AP5S1: variants seen among roughly 807,000 people sequenced by gnomAD.
AP5S1 encodes AP-5 complex subunit sigma-1.
In AP5S1, 13 loss-of-function variants were observed where a neutral mutation model predicts 13.9. That is an observed-to-expected ratio of 0.94 (90% CI 0.61 to 1.49). The LOEUF is 1.49. AP5S1 is among the 40% of genes most tolerant of loss of function. The probability of loss-of-function intolerance (pLI) is 0.00; values close to 1 mark genes in which losing one functional copy is unlikely to be tolerated. For synonymous variants in AP5S1, 132 were observed against 121.8 expected (o/e 1.08, Z -0.55); for missense variants, 292 against 272.3 (o/e 1.07, Z -0.51).
chr20:3,824,264 G>A lies in AP5S1; in HGVS notation c.570G>A (p.Leu190=). ...LFLNDQFVQG[L]EKEFSAAWPR is the part of the protein sequence containing the mutation. ...TCAACGACCAGTTTGTCCAAGGCCT[G>A]GAGAAGGAATTCAGTGCCGCTTGGC... is the stretch of plus-strand genomic sequence containing the variant. Residue 190 remains leucine (L), a synonymous_variant, in exon 3 of 3, where the codon CTG becomes CTA. Transcript: ENST00000615891. 1.2e-6 allele frequency: 2 copies of A among 1,614,092 alleles called. No individual in the cohort carries two copies. Among genetic ancestry groups the A allele is most frequent in the East Asian group, 4.5e-5 (2 of 44,886 alleles).
chr20:3,821,902 C>G (rs954165682), intron 1 of AP5S1, 200 bp from the exon 2 acceptor site: 2 of 947,670 alleles, frequency 2.1e-6, no homozygotes, highest in Non-Finnish European at 1.2e-6. Context: ...TTAGTTTATG[C>G]CTATTCTGCT....
Position 3,826,340 on chromosome 20 carries a change from C to T in AP5S1, c.*2043C>T, listed in dbSNP as rs1478266973. The T allele has an allele frequency of 2.0e-5, 3 of 152,230 alleles. No individual in the cohort carries two copies. Among genetic ancestry groups the T allele is most frequent in the Non-Finnish European group, 4.4e-5 (3 of 68,048 alleles). The allele number at this position is 152,230 out of a possible 1,614,324, so 9.4% of individuals were successfully genotyped here. On this transcript the variant is annotated 3_prime_UTR_variant, in exon 3 of 3. Coordinates refer to ENST00000615891, the MANE Select transcript of AP5S1 (RefSeq NM_018347.3). The stretch of plus-strand genomic sequence containing the variant: ...AAGTCCCACCAGTGGAAATGTCCCA[C>T]AGGCCTCTAGTAGGGACACCCCTTC...
At position 3,825,170 on chromosome 20, in the gene AP5S1, C is replaced by G. The variant is rs1014009495; in HGVS notation, c.*873C>G. On this transcript the variant is annotated 3_prime_UTR_variant, in exon 3 of 3. Coordinates refer to ENST00000615891, the MANE Select transcript of AP5S1 (RefSeq NM_018347.3). The stretch of plus-strand genomic sequence containing the variant: ...TTGTGCCAAGCCCGTTCCCACCAGG[C>G]AGGCTCGAGATAAAGTCATCACAGC... 3.3e-5 allele frequency: 5 copies of G among 152,276 alleles called. No individual in the cohort carries two copies. The highest frequency in any genetic ancestry group is 6.5e-5 in the Admixed American group (1 of 15,284). The allele number at this position is 152,276 out of a possible 1,614,324, so 9.4% of individuals were successfully genotyped here.
intron 2 of AP5S1, among the ~76,000 whole-genome samples, chr20:3,822,787 G>A (rs1257924672): frequency 6.6e-6 from 1 of 152,194 alleles, no homozygotes; most frequent in Non-Finnish European, 1.5e-5. Context: ...TGTGCCTGTA[G>A]ACTTTATGAA....
intron 2 of AP5S1, among the ~76,000 whole-genome samples, chr20:3,823,055 G>T (rs1485188077): frequency 6.6e-6 from 1 of 152,158 alleles, no homozygotes; most frequent in Non-Finnish European, 1.5e-5. Flanking sequence ...CTGTAGCTCA[G>T]AAAACCAAAT....
chr20:3,821,767 G>C (rs1233741157), intron 1 of AP5S1: 1 of 317,428 alleles, frequency 3.2e-6, no homozygotes, highest in African/African-American at 2.3e-5. Flanking sequence ...AGCTCCTCAG[G>C]TTTTCCATGA....
chr20:3,824,391 G>GTGC lies in AP5S1; in HGVS notation c.*99_*101dup, dbSNP rs2089610000. 7.7e-7 allele frequency: 1 copy of GTGC among 1,295,314 alleles called. No homozygotes were observed. Among genetic ancestry groups the GTGC allele is most frequent in the African/African-American group, 1.5e-5 (1 of 67,890 alleles). The allele number at this position is 1,295,314 out of a possible 1,614,324, so 80.2% of individuals were successfully genotyped here. On this transcript the variant is annotated 3_prime_UTR_variant, in exon 3 of 3. Coordinates refer to ENST00000615891, the MANE Select transcript of AP5S1 (RefSeq NM_018347.3). Reference sequence around the variant, plus strand: ...CTCCCTCCTACCCAGCAGCTCTGATGTGCTGCTATACCAGGACAAGTGGGT... The same window carrying GTGC: ...CTCCCTCCTACCCAGCAGCTCTGATGTGCTGCTGCTATACCAGGACAAGTGGGT...
Position 3,822,121 on chromosome 20 carries a change from G to A in AP5S1, c.4G>A (p.Val2Ile), listed in dbSNP as rs748039811. The A allele has an allele frequency of 1.9e-6, 3 of 1,613,444 alleles. No homozygotes were observed. In the South Asian group the frequency reaches 3.3e-5, roughly 18 times the overall value. Residue 2 changes from valine (V) to isoleucine (I), a missense_variant, in exon 2 of 3, where the codon GTC (valine) becomes ATC (isoleucine). Transcript: ENST00000615891. M[V>I]HAFLIHTLRA... ...CTGTAGCACCCACCCTGGAGCCATG[G>A]TCCACGCCTTCCTCATTCACACCTT... is the stretch of plus-strand genomic sequence containing the variant.
chr20:3,824,545 C>G lies in AP5S1; in HGVS notation c.*248C>G, dbSNP rs1331184783. On this transcript the variant is annotated 3_prime_UTR_variant, in exon 3 of 3. Coordinates refer to ENST00000615891, the MANE Select transcript of AP5S1 (RefSeq NM_018347.3). ...TACTTAGACCGCTGCCGTGCGGCAG[C>G]CACGCTTGTCCTTGAACCCACCTTC... is the stretch of plus-strand genomic sequence containing the variant. The G allele has an allele frequency of 3.7e-6, 2 of 540,068 alleles. No homozygotes were observed. The highest frequency in any genetic ancestry group is 6.6e-6 in the Non-Finnish European group (2 of 302,886). The allele number at this position is 540,068 out of a possible 1,614,324, so 33.5% of individuals were successfully genotyped here. A position where few individuals can be genotyped will look rare whatever the true frequency, so the allele number is the denominator to read the frequency against.
rs1390472529 is a variant in AP5S1, at chr20:3,824,268, A to G, written c.574A>G (p.Lys192Glu). ...CGACCAGTTTGTCCAAGGCCTGGAG[A>G]AGGAATTCAGTGCCGCTTGGCCCCG... ...LNDQFVQGLE[K>E]EFSAAWPR The change falls in exon 3 of 3, where the codon AAG (lysine) becomes GAG (glutamate). Residue 192 changes from lysine (K) to glutamate (E), a missense_variant. Coordinates refer to ENST00000615891, the MANE Select transcript of AP5S1 (RefSeq NM_018347.3). 6.2e-7 allele frequency: 1 copy of G among 1,613,918 alleles called. No individual in the cohort carries two copies. Among genetic ancestry groups the G allele is most frequent in the East Asian group, 2.2e-5 (1 of 44,864 alleles).
At position 3,822,236 on chromosome 20, in the gene AP5S1, C is replaced by T. The variant is rs1207589441; in HGVS notation, c.119C>T (p.Pro40Leu). Residue 40 changes from proline to leucine, a missense_variant, in exon 2 of 3, where the codon CCG (proline) becomes CTG (leucine). Coordinates refer to ENST00000615891, the MANE Select transcript of AP5S1 (RefSeq NM_018347.3). ...GAEKSPDDPR[P>L]HGAERDRLLR... ...GAGAAGTCACCTGATGACCCACGGC[C>T]GCATGGTGCCGAGAGGGACAGGCTT... 19 of 1,614,044 alleles carry T rather than the reference C, an allele frequency of 1.2e-5. No individual in the cohort carries two copies. Among genetic ancestry groups the T allele is most frequent in the African/African-American group, 5.3e-5 (4 of 74,916 alleles).
chr20:3,821,878 C>CTT (rs760765518), intron 1 of AP5S1: 228 of 827,948 alleles, frequency 2.8e-4, no homozygotes, highest in African/African-American at 5.2e-4. Flanking sequence ...TTTCTTTTTT[C>CTT]TTTTTTTTTT....
At chr20:3,823,509 C>T (rs2089599613) in intron 2 of AP5S1, 1 of 983,620 alleles carries the variant, frequency 1.0e-6, no homozygotes, top group Non-Finnish European at 1.2e-6. Context: ...CCTCGGCCTC[C>T]CAAAGTGCTG....
Position 3,826,781 on chromosome 20 carries a change from G to A in AP5S1, c.*2484G>A, listed in dbSNP as rs2089627472. On this transcript the variant is annotated 3_prime_UTR_variant, in exon 3 of 3. Transcript: ENST00000615891. Reference sequence around the variant, plus strand: ...GGGCTGGGTTTCCACCACAATTTATGCTCACCATATATTTATCGAGCCTCC... The same window carrying A: ...GGGCTGGGTTTCCACCACAATTTATACTCACCATATATTTATCGAGCCTCC... 1 of 152,174 alleles carries A rather than the reference G, an allele frequency of 6.6e-6. No individual in the cohort carries two copies. The highest frequency in any genetic ancestry group is 2.4e-5 in the African/African-American group (1 of 41,412). 9.4% of individuals were successfully genotyped at this position (152,174 alleles called of 1,614,324 possible). A position where few individuals can be genotyped will look rare whatever the true frequency, so the allele number is the denominator to read the frequency against.
rs1019756813 is a variant in AP5S1, at chr20:3,822,031, G to C, written c.-16-71G>C. 2.0e-6 allele frequency: 3 copies of C among 1,527,062 alleles called. No individual in the cohort carries two copies. The African/African-American group carries it at 4.1e-5, about 21-fold the overall frequency. The allele number at this position is 1,527,062 out of a possible 1,614,324, so 94.6% of individuals were successfully genotyped here. On this transcript the variant is annotated intron_variant, in intron 1 of 2. Transcript: ENST00000615891. Reference sequence around the variant, plus strand: ...TACACTCCCAGACACTGCCAGGTCAGCCCCTTCCTGTGGTCGCCTCTCCTG... The same window carrying C: ...TACACTCCCAGACACTGCCAGGTCACCCCCTTCCTGTGGTCGCCTCTCCTG...
chr20:3,823,138 A>C (rs2089596300), intron 2 of AP5S1, among the ~76,000 whole-genome samples: 1 of 152,236 alleles, frequency 6.6e-6, no homozygotes, highest in Non-Finnish European at 1.5e-5. Context: ...GGGAGCTTCT[A>C]AGAAGCCTTG....
At chr20:3,823,602 G>A (rs2089600417) in intron 2 of AP5S1, 2 of 985,208 alleles carry the variant, frequency 2.0e-6, no homozygotes, top group African/African-American at 1.7e-5. Context: ...AGCAGGTGAG[G>A]GCAGGATCTT....
chr20:3,822,187 C>T lies in AP5S1; in HGVS notation c.70C>T (p.Leu24=). 6.2e-7 allele frequency: 1 copy of T among 1,614,176 alleles called. No homozygotes were observed. The highest frequency in any genetic ancestry group is 8.5e-7 in the Non-Finnish European group (1 of 1,180,034). ...NTEDTGLCRV[L]YSCVFGAEKS... ...TGAGGACACGGGCCTTTGCCGAGTGCTGTACTCCTGCGTCTTCGGTGCTGA... is the reference window on the plus strand; with the variant it reads ...TGAGGACACGGGCCTTTGCCGAGTGTTGTACTCCTGCGTCTTCGGTGCTGA... Residue 24 remains leucine, a synonymous_variant, in exon 2 of 3, where the codon CTG becomes TTG. Transcript: ENST00000615891.
Position 3,822,148 on chromosome 20 carries a change from AGGGCCCC to A in AP5S1, c.33_39del (p.Ala12IlefsTer42). 3.7e-6 allele frequency: 6 copies of A among 1,613,876 alleles called. No homozygotes were observed. Among genetic ancestry groups the A allele is most frequent in the Non-Finnish European group, 4.2e-6 (5 of 1,179,946 alleles). Reference sequence around the variant, plus strand: ...CCACGCCTTCCTCATTCACACCTTGAGGGCCCCGAATACTGAGGACACGGGCCTTTGC... The same window carrying A: ...CCACGCCTTCCTCATTCACACCTTGAGAATACTGAGGACACGGGCCTTTGC... On this transcript the variant is annotated frameshift_variant, in exon 2 of 3. Transcript: ENST00000615891. LOFTEE classifies it high-confidence loss of function.
Sources: gnomAD v4.1 joint callset for allele counts (sites outside exome capture counted in the v4.1 genomes callset) on GRCh38, gnomAD v4.1.1 for gene constraint, MANE v1.5 for transcripts, NCBI Gene and HGNC (gene_info 2026-07-23, HGNC 2026-07-21) for gene names.